The following ZNF44 variants were observed in gnomAD, a reference collection of about 807,000 sequenced individuals.
ZNF44 encodes zinc finger protein 44.
ZNF44 carries 9 observed loss-of-function variants against 11.7 expected under a neutral mutation model. The ratio of observed to expected loss-of-function variants is 0.77; its 90% CI spans 0.46 to 1.35. The LOEUF (loss-of-function observed/expected upper bound fraction) is 1.35. Among genes scored for constraint, ZNF44 ranks in the 40% most tolerant of loss-of-function variants. ZNF44 has a pLI of 0.00. For missense variants in ZNF44, 696 were observed against 743.1 expected (o/e 0.94, Z 0.74); for synonymous variants, 224 against 242.7 (o/e 0.92, Z 0.72).
At chr19:12,262,202 T>C (rs547247717) in intron 5 of ZNF44, among the ~76,000 whole-genome samples, 2 of 152,342 alleles carry the variant, frequency 1.3e-5, no homozygotes, top group East Asian at 1.9e-4. Flanking sequence ...GTAGTTTCCA[T>C]CGTATCATTA....
intron 5 of ZNF44, among the ~76,000 whole-genome samples, chr19:12,265,836 T>C (rs1158544984): frequency 1.3e-5 from 2 of 152,242 alleles, no homozygotes; most frequent in African/African-American, 4.8e-5. Context: ...CTAAAAGTCG[T>C]CGAGAGGGTC....
chr19:12,227,431 G>A (rs544547559), intron 3 of ZNF44, among the ~76,000 whole-genome samples: 8 of 152,144 alleles, frequency 5.3e-5, no homozygotes, highest in South Asian at 4.1e-4. Context: ...GTGAAACTTC[G>A]TCTCTACTAA....
chr19:12,249,822 G>A (rs1490205741), intron 7 of ZNF44, among the ~76,000 whole-genome samples: 1 of 152,190 alleles, frequency 6.6e-6, no homozygotes, highest in African/African-American at 2.4e-5. Context: ...AAAGTGCTGG[G>A]ATTACAGGCA....
chr19:12,275,454 C>T (rs968018532), intron 2 of ZNF44, among the ~76,000 whole-genome samples: 1 of 152,166 alleles, frequency 6.6e-6, no homozygotes. Flanking sequence ...CGAGACCATC[C>T]TGGCTAACAT....
exon 8 of ZNF44, chr19:12,248,624 T>G (rs768780209): frequency 2.3e-6 from 3 of 1,306,834 alleles, no homozygotes; most frequent in Non-Finnish European, 3.0e-6. Flanking sequence ...GGCTGAAACC[T>G]TCTCCGCCAT....
downstream of ZNF44, among the ~76,000 whole-genome samples, chr19:12,246,766 C>T (rs1036946852): frequency 1.3e-5 from 2 of 151,852 alleles, no homozygotes; most frequent in Non-Finnish European, 2.9e-5. Flanking sequence ...CAGCACACAT[C>T]TGTAGTCCCA....
intron 2 of ZNF44, among the ~76,000 whole-genome samples, chr19:12,232,146 A>C (rs1482158331): frequency 2.0e-5 from 3 of 152,252 alleles, no homozygotes; most frequent in African/African-American, 7.2e-5. Context: ...AGATATGCAT[A>C]CACATAAACA....
At chr19:12,232,151 T>TAAAC (rs1231984675) in intron 2 of ZNF44, among the ~76,000 whole-genome samples, 1 of 152,266 alleles carries the variant, frequency 6.6e-6, no homozygotes, top group Non-Finnish European at 1.5e-5. Flanking sequence ...TGCATACACA[T>TAAAC]AAACATCTCA....
upstream of ZNF44, among the ~76,000 whole-genome samples, chr19:12,238,624 CAAAAAAAAAAA>C (rs760047200): frequency 1.6e-5 from 1 of 62,668 alleles, no homozygotes; most frequent in Non-Finnish European, 3.5e-5. Context: ...GAGACTGTCT[CAAAAAAAAAAA>C]AAAAAAAAAA....
chr19:12,246,650 A>C (rs1046592913), downstream of ZNF44, among the ~76,000 whole-genome samples: 5 of 152,192 alleles, frequency 3.3e-5, no homozygotes, highest in Non-Finnish European at 4.4e-5. Context: ...CTATTTCTTA[A>C]AGAGTATTTA....
chr19:12,252,766 G>A (rs1187807218), intron 5 of ZNF44, among the ~76,000 whole-genome samples: 1 of 150,614 alleles, frequency 6.6e-6, no homozygotes, highest in Non-Finnish European at 1.5e-5. Flanking sequence ...TGTTAAGAGA[G>A]GGAAAAAATG....
chr19:12,234,473 T>C lies in ZNF44; in HGVS notation n.380+194A>G, dbSNP rs140094253. On this transcript the variant is annotated intron_variant and non_coding_transcript_variant, in intron 2 of 3. Transcript: ENST00000597563. Reference sequence around the variant, plus strand: ...TGGTTGTGCCATTTGTTTCCTAAAATGTAGACCGAGAAAAATCATTATCAT... The same window carrying C: ...TGGTTGTGCCATTTGTTTCCTAAAACGTAGACCGAGAAAAATCATTATCAT... Among the ~76,000 whole-genome samples, 1,222 of 152,310 alleles carry C rather than the reference T, an allele frequency of 8.0e-3. 6 individuals carry two copies. Among genetic ancestry groups the C allele is most frequent in the Non-Finnish European group, 0.012 (786 of 68,032 alleles).
chr19:12,253,260 G>T (rs1325831324), intron 5 of ZNF44, among the ~76,000 whole-genome samples: 6 of 145,768 alleles, frequency 4.1e-5, no homozygotes, highest in African/African-American at 1.3e-4. Flanking sequence ...TGTGGTCTCA[G>T]CTCACTGCAA....
chr19:12,251,124 G>GGGT (rs2145691565), intron 5 of ZNF44, among the ~76,000 whole-genome samples: 1 of 152,128 alleles, frequency 6.6e-6, no homozygotes, highest in African/African-American at 2.4e-5. Context: ...CTGAGGTCGG[G>GGGT]GGTTCCAGAC....
At chr19:12,291,905 T>C (rs1188359981) in intron 1 of ZNF44, among the ~76,000 whole-genome samples, 1 of 150,108 alleles carries the variant, frequency 6.7e-6, no homozygotes, top group Non-Finnish European at 1.5e-5. Flanking sequence ...GGAAGGAGAA[T>C]TGCTTGAACC....
At chr19:12,244,127 C>T (rs1274625889), downstream of ZNF44, among the ~76,000 whole-genome samples, 1 of 152,128 alleles carries the variant, frequency 6.6e-6, no homozygotes, top group Non-Finnish European at 1.5e-5. Flanking sequence ...CTTCCTGACT[C>T]ACACTTCTGA....
chr19:12,275,952 A>G lies in ZNF44; in HGVS notation c.130+4T>C. 2 of 1,598,814 alleles carry G rather than the reference A, an allele frequency of 1.3e-6. No homozygotes were observed. On this transcript the variant is annotated splice_donor_region_variant and intron_variant, in intron 2 of 3. Coordinates refer to ENST00000355684, the MANE Select transcript of ZNF44 (RefSeq NM_016264.4). ...ACCAAATGAAGACATGATGTCATCC[A>G]TACCTATACAGTTCAGGTTCCTAAT...
downstream of ZNF44, among the ~76,000 whole-genome samples, chr19:12,271,505 G>A (rs1447174077): frequency 6.6e-6 from 1 of 152,132 alleles, no homozygotes; most frequent in African/African-American, 2.4e-5. Flanking sequence ...AGGTCTCACT[G>A]TTTATCTATG....
Position 12,294,838 on chromosome 19 carries a change from G to A in ZNF44, c.-144C>T. 1 of 938,244 alleles carries A rather than the reference G, an allele frequency of 1.1e-6. No homozygotes were observed. The highest frequency in any genetic ancestry group is 3.2e-5 in the East Asian group (1 of 31,168). The allele number at this position is 938,244 out of a possible 1,614,324, so 58.1% of individuals were successfully genotyped here. On this transcript the variant is annotated 5_prime_UTR_variant, in exon 1 of 4. Transcript: ENST00000355684. ...GGTCACCAGGGTGAAGAGGCCACTA[G>A]CTCCTGGAACGTCACACCCTCCTCT...
Sources: allele counts gnomAD v4.1 joint callset (sites outside exome capture counted in the v4.1 genomes callset), GRCh38; gene constraint gnomAD v4.1.1; transcripts MANE v1.5; gene names NCBI Gene and HGNC (gene_info 2026-07-23, HGNC 2026-07-21).